Variants in ARSG observed in about 807,000 individuals in gnomAD.
The protein encoded by ARSG is arylsulfatase G.
Under a neutral mutation model 50.5 loss-of-function variants are expected in ARSG, and 37 were observed. The ratio of observed to expected loss-of-function variants is 0.73; its 90% confidence interval spans 0.56 to 0.96. The LOEUF (loss-of-function observed/expected upper bound fraction) is 0.96. Ranked by LOEUF, ARSG falls within the 50% of genes least tolerant of loss-of-function variation. The probability of loss-of-function intolerance (pLI) is 0.00; values close to 1 mark genes in which losing one functional copy is unlikely to be tolerated. For synonymous variants in ARSG, 225 were observed against 254.6 expected, an observed-to-expected ratio of 0.88 and a Z score of 1.11; for missense variants, 629 against 675.3, an observed-to-expected ratio of 0.93 and a Z score of 0.76.
At position 68,368,556 on chromosome 17, in the gene ARSG, G is replaced by A; in HGVS notation, c.713G>A (p.Gly238Glu). The A allele has an allele frequency of 1.2e-6, 2 of 1,613,630 alleles. No individual in the cohort carries two copies. Among genetic ancestry groups the A allele is most frequent in the Non-Finnish European group, 1.7e-6 (2 of 1,179,944 alleles). The part of the protein sequence containing the change: ...TQFIQRASTS[G>E]RPFLLYVALA... The stretch of plus-strand genomic sequence containing the variant: ...TGGTTCTCCTGTTTCAGCACCAGCG[G>A]GAGGCCCTTCCTGCTCTATGTGGCT... Residue 238 changes from glycine (G) to glutamate (E), a missense_variant, in exon 7 of 12, where the codon GGG becomes GAG. By Grantham distance (98) the Gly-to-Glu change is moderately conservative. Coordinates refer to ENST00000621439, the MANE Select transcript of ARSG (RefSeq NM_001267727.2).
the ARSG span, chr17:68,435,562 G>A: frequency 1.5e-5 from 23 of 1,529,988 alleles, no homozygotes; most frequent in South Asian, 2.0e-4. Context: ...CCATCCCTGC[G>A]CACGGCAGGA....
chr17:68,385,105 C>T lies in ARSG; in HGVS notation c.1024C>T (p.Arg342Trp), dbSNP rs770137900. The T allele has an allele frequency of 8.1e-6, 13 of 1,613,886 alleles. No homozygotes were observed. The highest frequency in any genetic ancestry group is 1.6e-4 in the Middle Eastern group (1 of 6,084). ...GCAGACGACCTGGGAAGGAGGGCAC[C>T]GGGTCCCAGCACTGGCTTACTGGCC... ...AKQTTWEGGH[R>W]VPALAYWPGR... The change falls in exon 9 of 12, where the codon CGG (arginine) becomes TGG (tryptophan). Residue 342 changes from arginine to tryptophan, a missense_variant. Coordinates refer to ENST00000621439, the MANE Select transcript of ARSG (RefSeq NM_001267727.2).
At chr17:68,435,035 C>T in the ARSG span, among the ~76,000 whole-genome samples, 7 of 152,168 alleles carry the variant, frequency 4.6e-5, no homozygotes, top group South Asian at 4.2e-4. Flanking sequence ...AGTGAAACCC[C>T]GTCTCCACTA....
intron 3 of ARSG, among the ~76,000 whole-genome samples, chr17:68,346,084 C>G (rs2146291521): frequency 6.6e-6 from 1 of 152,192 alleles, no homozygotes; most frequent in South Asian, 2.1e-4. Flanking sequence ...CCACGTTGCC[C>G]AGGCTAGTCT....
At chr17:68,414,195 T>C (rs139709783) in intron 11 of ARSG, 1 of 152,370 alleles carries the variant, frequency 6.6e-6, no homozygotes, top group African/African-American at 2.4e-5. Context: ...ATGTCCCTTG[T>C]ATGCCGATTT....
rs1327819566 is a variant in ARSG at position 68,367,310 on chromosome 17, G to C, written c.705-1238G>C. Among the ~76,000 whole-genome samples the C allele has an allele frequency of 6.6e-6, 1 of 152,332 alleles. No homozygotes were observed. The highest frequency in any genetic ancestry group is 2.4e-5 in the African/African-American group (1 of 41,582). ...GGGAGCCAGGGTGCAGGGGGGATTT[G>C]AGGGCACAGTTGGCTATAGAGCAAG... On this transcript the variant is annotated intron_variant, in intron 6 of 11. Transcript: ENST00000621439. The surrounding 1 kb of genome is among the most constrained non-coding windows in gnomAD (Gnocchi z 4.5).
At chr17:68,284,964 G>A (rs1164736654) in intron 1 of ARSG, among the ~76,000 whole-genome samples, 1 of 152,110 alleles carries the variant, frequency 6.6e-6, no homozygotes, top group Non-Finnish European at 1.5e-5. Flanking sequence ...TACACAGCTT[G>A]TATTTATTTT....
intron 10 of ARSG, among the ~76,000 whole-genome samples, chr17:68,397,254 C>T (rs2081286998): frequency 6.6e-6 from 1 of 152,112 alleles, no homozygotes; most frequent in African/African-American, 2.4e-5. Context: ...GGTATGATGG[C>T]GTGGTTAATG....
intron 9 of ARSG, among the ~76,000 whole-genome samples, chr17:68,392,688 C>G (rs2081050731): frequency 6.6e-6 from 1 of 152,070 alleles, no homozygotes; most frequent in Admixed American, 6.6e-5. Context: ...TTAGTAGAGA[C>G]AGGGTTTCGC....
chr17:68,364,493 G>A (rs2079447423), intron 6 of ARSG, among the ~76,000 whole-genome samples: 1 of 151,992 alleles, frequency 6.6e-6, no homozygotes, highest in Non-Finnish European at 1.5e-5. Flanking sequence ...CTTGCTGGCT[G>A]GGATTACAGG....
intron 11 of ARSG, among the ~76,000 whole-genome samples, chr17:68,404,143 A>G (rs932651463): frequency 8.5e-5 from 13 of 152,152 alleles, no homozygotes; most frequent in African/African-American, 1.7e-4. Context: ...AGTCTTTGCT[A>G]TTGTGAATAG....
At chr17:68,427,745 C>G in the ARSG span, among the ~76,000 whole-genome samples, 1 of 152,232 alleles carries the variant, frequency 6.6e-6, no homozygotes, top group Non-Finnish European at 1.5e-5. Context: ...AAGATTAGTC[C>G]TCTGCTCTTC....
chr17:68,439,457 G>A, the ARSG span, among the ~76,000 whole-genome samples: 1 of 152,154 alleles, frequency 6.6e-6, no homozygotes, highest in South Asian at 2.1e-4. Context: ...ACAGAAAGTA[G>A]ATTAGGGGTT....
intron 1 of ARSG, among the ~76,000 whole-genome samples, chr17:68,265,101 C>T (rs1427909980): frequency 2.1e-5 from 3 of 144,936 alleles, no homozygotes; most frequent in African/African-American, 5.1e-5. Context: ...TTGCAGTGAG[C>T]GGAGATCACG....
intron 2 of ARSG, among the ~76,000 whole-genome samples, chr17:68,327,434 C>T (rs1017877354): frequency 6.6e-6 from 1 of 152,198 alleles, no homozygotes; most frequent in Non-Finnish European, 1.5e-5. Flanking sequence ...CCTTCCTTTC[C>T]TCTTCCAGCT....
chr17:68,389,811 C>A (rs906740073), intron 9 of ARSG, among the ~76,000 whole-genome samples: 1 of 152,076 alleles, frequency 6.6e-6, no homozygotes, highest in Non-Finnish European at 1.5e-5. Context: ...CTGCCTTCAT[C>A]CTGGGATGCC....
downstream of ARSG, chr17:68,427,396 G>A (rs2083269298): frequency 3.2e-6 from 2 of 615,466 alleles, no homozygotes; most frequent in Non-Finnish European, 2.8e-6. Context: ...TTGCTCTATT[G>A]CCCAGGCTGG....
the ARSG span, chr17:68,430,215 C>A: frequency 6.5e-7 from 1 of 1,538,932 alleles, no homozygotes; most frequent in Admixed American, 2.1e-5. Context: ...CCACACGCAC[C>A]CAGGAATCTC....
intron 1 of ARSG, among the ~76,000 whole-genome samples, chr17:68,280,833 C>G (rs782671949): frequency 6.6e-6 from 1 of 152,100 alleles, no homozygotes; most frequent in African/African-American, 2.4e-5. Context: ...GGAAACATAT[C>G]AACAGAGTGA....
Sources: allele counts gnomAD v4.1 joint callset (sites outside exome capture counted in the v4.1 genomes callset), GRCh38; gene constraint gnomAD v4.1.1; non-coding constraint Gnocchi (gnomAD v3.1); transcripts MANE v1.5; gene names NCBI Gene and HGNC (gene_info 2026-07-23, HGNC 2026-07-21).